The following SRPK2 variants were observed in gnomAD, a reference collection of about 807,000 sequenced individuals.
SRPK2 encodes SFRS protein kinase 2.
A neutral mutation model predicts 90.8 loss-of-function variants in SRPK2; 21 were observed. The ratio of observed to expected loss-of-function variants is 0.23; its 90% confidence interval spans 0.16 to 0.33. The LOEUF (loss-of-function observed/expected upper bound fraction) is 0.33. SRPK2 is among the 10% of genes least tolerant of loss of function. The pLI, the probability that SRPK2 is intolerant of heterozygous loss-of-function variation, is 1.00. For missense variants in SRPK2, 620 were observed against 869.0 expected, an observed-to-expected ratio of 0.71 and a Z score of 3.60; for synonymous variants, 288 against 311.1, an observed-to-expected ratio of 0.93 and a Z score of 0.78.
chr7:105,246,333 A>C (rs1801661154), intron 2 of SRPK2, among the ~76,000 whole-genome samples: 1 of 152,218 alleles, frequency 6.6e-6, no homozygotes, highest in South Asian at 2.1e-4. Context: ...AATGAAGCAC[A>C]GGCCATATGA....
intron 15 of SRPK2, among the ~76,000 whole-genome samples, chr7:105,123,276 G>A (rs1288601895): frequency 6.6e-6 from 1 of 152,100 alleles, no homozygotes; most frequent in Non-Finnish European, 1.5e-5. Flanking sequence ...TAATGATCAT[G>A]ACTTCTTAAA....
At chr7:105,219,156 C>G (rs1797808748) in intron 2 of SRPK2, among the ~76,000 whole-genome samples, 1 of 152,130 alleles carries the variant, frequency 6.6e-6, no homozygotes, top group African/African-American at 2.4e-5. Context: ...GCATACTTCC[C>G]ACACTCCCAC....
chr7:105,273,702 A>T (rs960606333), intron 2 of SRPK2, among the ~76,000 whole-genome samples: 3 of 152,174 alleles, frequency 2.0e-5, no homozygotes, highest in African/African-American at 7.2e-5. Flanking sequence ...AAATTACTAA[A>T]ATATATAAAT....
chr7:105,361,952 G>C (rs1265796462), intron 2 of SRPK2, among the ~76,000 whole-genome samples: 1 of 38,068 alleles, frequency 2.6e-5, no homozygotes, highest in Non-Finnish European at 6.8e-5. Context: ...AAAGCGCCTG[G>C]CAACAAAAGC....
intron 2 of SRPK2, among the ~76,000 whole-genome samples, chr7:105,248,181 G>A (rs538405233): frequency 2.6e-5 from 4 of 152,046 alleles, no homozygotes; most frequent in African/African-American, 7.2e-5. Flanking sequence ...AATCATCTCC[G>A]GAAAAGGTTG....
chr7:105,306,422 A>G, intron 2 of SRPK2: 1 of 421,592 alleles, frequency 2.4e-6, no homozygotes, highest in South Asian at 1.7e-5. Context: ...ATGTTTAAGT[A>G]GAAATTTTGA....
In SRPK2 at chr7:105,126,355, A is replaced by G. The variant is rs747466337; in HGVS notation, c.1823-15T>C. The G allele has an allele frequency of 1.9e-6, 3 of 1,594,048 alleles. No individual in the cohort carries two copies. The highest frequency in any genetic ancestry group is 2.6e-6 in the Non-Finnish European group (3 of 1,162,806). On this transcript the variant is annotated splice_polypyrimidine_tract_variant and intron_variant, in intron 14 of 15. Transcript: ENST00000393651. ...GGCTATGTGGTCTATGGAGGAGAGA[A>G]AAAAAGGATATGGGAATGGGAGGGG...
intron 2 of SRPK2, among the ~76,000 whole-genome samples, chr7:105,285,529 A>G (rs1168107618): frequency 6.6e-6 from 1 of 152,168 alleles, no homozygotes; most frequent in Non-Finnish European, 1.5e-5. Flanking sequence ...GTCCACTTCA[A>G]ATCTCCTGCT....
At chr7:105,355,356 A>T (rs1428919849) in intron 2 of SRPK2, among the ~76,000 whole-genome samples, 1 of 152,082 alleles carries the variant, frequency 6.6e-6, no homozygotes, top group Admixed American at 6.6e-5. Flanking sequence ...TTTTTTTTTC[A>T]TTAGCAAGCA....
chr7:105,349,856 A>G (rs1483486779), intron 2 of SRPK2, among the ~76,000 whole-genome samples: 1 of 151,916 alleles, frequency 6.6e-6, no homozygotes, highest in African/African-American at 2.4e-5. Context: ...CTCCTGCCTC[A>G]GCCTCCTGCA....
chr7:105,336,495 T>C (rs572320696), intron 2 of SRPK2, among the ~76,000 whole-genome samples: 1 of 152,348 alleles, frequency 6.6e-6, no homozygotes, highest in South Asian at 2.1e-4. Context: ...TGGAGTTATA[T>C]AGAATTTAGG....
At chr7:105,229,337 G>A (rs1223354899) in intron 2 of SRPK2, among the ~76,000 whole-genome samples, 1 of 151,990 alleles carries the variant, frequency 6.6e-6, no homozygotes, top group Non-Finnish European at 1.5e-5. Flanking sequence ...AGCGGCGGGC[G>A]CCTGTAGTCC....
At chr7:105,132,445 G>GA (rs1269740564) in intron 13 of SRPK2, among the ~76,000 whole-genome samples, 2 of 152,184 alleles carry the variant, frequency 1.3e-5, no homozygotes, top group African/African-American at 4.8e-5. Context: ...TGAGTGAAGG[G>GA]AAAAGCTCCC....
At chr7:105,364,037 G>C (rs909040549) in intron 2 of SRPK2, among the ~76,000 whole-genome samples, 22 of 151,860 alleles carry the variant, frequency 1.4e-4, no homozygotes, top group African/African-American at 5.3e-4. Flanking sequence ...CCTGTCGTGG[G>C]GTGGGGGGCT....
intron 2 of SRPK2, among the ~76,000 whole-genome samples, chr7:105,366,367 C>CTTTTTTTTTTTTTTTTT (rs34409221): frequency 1.4e-5 from 2 of 139,322 alleles, no homozygotes; most frequent in South Asian, 2.2e-4. Flanking sequence ...ACAGGTATGC[C>CTTTTTTTTTTTTTTTTT]TTTTTTTTTT....
rs1411326604 is a variant in SRPK2 at position 105,372,520 on chromosome 7, T to C, written c.71+16128A>G. On this transcript the variant is annotated intron_variant, in intron 2 of 15. Coordinates refer to ENST00000393651, the MANE Select transcript of SRPK2 (RefSeq NM_182692.3). ...ACTATGAAAGGTTCCTTTGGAGACA[T>C]ACACAACAACCAAATAAAGCACCCC... is the stretch of plus-strand genomic sequence containing the variant. Among the ~76,000 whole-genome samples the C allele has an allele frequency of 3.9e-5, 6 of 152,224 alleles. No individual in the cohort carries two copies. The East Asian group carries it at 9.6e-4, about 24-fold the overall frequency.
At chr7:105,362,330 G>A (rs1027255577) in intron 2 of SRPK2, among the ~76,000 whole-genome samples, 19 of 152,126 alleles carry the variant, frequency 1.2e-4, no homozygotes, top group Non-Finnish European at 2.4e-4. Flanking sequence ...GGAAATGGCC[G>A]GGCGCGGTGG....
intron 2 of SRPK2, among the ~76,000 whole-genome samples, chr7:105,276,720 A>G (rs1485687269): frequency 6.6e-6 from 1 of 152,214 alleles, no homozygotes; most frequent in Non-Finnish European, 1.5e-5. Flanking sequence ...TCTGGGCAAC[A>G]GAGCAAGAAT....
chr7:105,170,859 GAA>G lies in SRPK2; in HGVS notation c.230-1596_230-1595del, dbSNP rs1177654647. 1.7e-3 allele frequency among the ~76,000 whole-genome samples: 95 copies of G among 55,732 alleles called. 7 individuals are homozygous for G. The highest frequency in any genetic ancestry group is 4.9e-3 in the African/African-American group (89 of 18,002). 36.6% of individuals were successfully genotyped at this position (55,732 alleles called of 152,430 possible). ...AGGAAGAAAGAAAGAAAGAAAGAAA[GAA>G]AGAAAGAAAGAAAGAAAGAAAGAAA... is the stretch of plus-strand genomic sequence containing the variant. On this transcript the variant is annotated intron_variant, in intron 3 of 15. Transcript: ENST00000393651.
Sources: allele counts gnomAD v4.1 joint callset (sites outside exome capture counted in the v4.1 genomes callset), GRCh38; gene constraint gnomAD v4.1.1; transcripts MANE v1.5; gene names NCBI Gene and HGNC (gene_info 2026-07-23, HGNC 2026-07-21).